EDAR: variants seen among roughly 807,000 people sequenced by gnomAD.
The protein encoded by EDAR is ectodysplasin A receptor, also known as tumor necrosis factor receptor superfamily member EDAR.
EDAR carries 38 observed loss-of-function variants against 51.3 expected under a neutral mutation model. The observed-to-expected ratio is 0.74, with a 90% CI of 0.57 to 0.97. EDAR has a LOEUF of 0.97. Ranked by LOEUF, EDAR falls within the 50% of genes least tolerant of loss-of-function variation. The pLI, the probability that EDAR is intolerant of heterozygous loss-of-function variation, is 0.00. For synonymous variants in EDAR, 227 were observed against 242.1 expected (o/e 0.94, Z 0.58); for missense variants, 528 against 595.0 (o/e 0.89, Z 1.17).
chr2:108,957,714 G>A (rs1697953209), intron 1 of EDAR, among the ~76,000 whole-genome samples: 1 of 152,222 alleles, frequency 6.6e-6, no homozygotes, highest in African/African-American at 2.4e-5. Flanking sequence ...ACCAGGCGAG[G>A]CTAGTGGAGG....
chr2:108,985,306 T>C (rs1034487317), intron 1 of EDAR, among the ~76,000 whole-genome samples: 2 of 152,206 alleles, frequency 1.3e-5, no homozygotes, highest in Admixed American at 1.3e-4. Flanking sequence ...GTGGTTGTTA[T>C]TGCCCTCATT....
At chr2:108,975,685 G>A (rs373117644) in intron 1 of EDAR, among the ~76,000 whole-genome samples, 23 of 152,292 alleles carry the variant, frequency 1.5e-4, no homozygotes, top group African/African-American at 5.1e-4. Flanking sequence ...AGCTTGCGAA[G>A]CCCCTGGCCA....
At chr2:108,934,879 C>T (rs563649221) in intron 1 of EDAR, among the ~76,000 whole-genome samples, 5 of 152,292 alleles carry the variant, frequency 3.3e-5, no homozygotes, top group South Asian at 4.1e-4. Flanking sequence ...ACCAAAGCAG[C>T]GTGGAAATGT....
chr2:108,939,775 G>C (rs1289440506), intron 1 of EDAR, among the ~76,000 whole-genome samples: 2 of 152,136 alleles, frequency 1.3e-5, no homozygotes, highest in Admixed American at 6.5e-5. Context: ...CTCAGCTCTT[G>C]TCCTCATTTC....
Position 108,896,667 on chromosome 2 carries a change from A to G in EDAR, c.*240T>C, listed in dbSNP as rs746557228. On this transcript the variant is annotated 3_prime_UTR_variant, in exon 12 of 12. Coordinates refer to ENST00000258443, the MANE Select transcript of EDAR (RefSeq NM_022336.4). Reference sequence around the variant, plus strand: ...GTGGGCTGGCTGTATGAGTGAGTAGATATTTACTCTGCCTGGTGAGGTACA... The same window carrying G: ...GTGGGCTGGCTGTATGAGTGAGTAGGTATTTACTCTGCCTGGTGAGGTACA... 3.3e-5 allele frequency: 18 copies of G among 546,448 alleles called. No homozygotes were observed. Among genetic ancestry groups the G allele is most frequent in the Non-Finnish European group, 5.2e-5 (16 of 305,434 alleles). 33.8% of individuals were successfully genotyped at this position (546,448 alleles called of 1,614,324 possible). A position where few individuals can be genotyped will look rare whatever the true frequency, so the allele number is the denominator to read the frequency against.
intron 1 of EDAR, among the ~76,000 whole-genome samples, chr2:108,978,520 A>C (rs918323775): frequency 1.3e-5 from 2 of 152,238 alleles, no homozygotes; most frequent in African/African-American, 2.4e-5. Flanking sequence ...CCACGGGCTT[A>C]GGGAACATGC....
intron 4 of EDAR, among the ~76,000 whole-genome samples, chr2:108,924,535 G>C (rs1697215736): frequency 6.6e-6 from 1 of 152,190 alleles, no homozygotes; most frequent in South Asian, 2.1e-4. Flanking sequence ...TATTTCCATG[G>C]CTGCTTTCTA....
At chr2:108,988,063 G>T (rs1040137396) in intron 1 of EDAR, among the ~76,000 whole-genome samples, 2 of 152,238 alleles carry the variant, frequency 1.3e-5, no homozygotes, top group African/African-American at 4.8e-5. Context: ...GAAGAGGACG[G>T]TGGTGCTCCT....
At chr2:108,956,320 G>C (rs1697925256) in intron 1 of EDAR, among the ~76,000 whole-genome samples, 1 of 152,222 alleles carries the variant, frequency 6.6e-6, no homozygotes, top group South Asian at 2.1e-4. Flanking sequence ...TAAAGGGCAT[G>C]AGAGTGTTAT....
intron 2 of EDAR, 81 bp from the exon 3 acceptor site, chr2:108,930,323 A>G (rs1268319412): frequency 1.2e-5 from 19 of 1,589,192 alleles, no homozygotes; most frequent in Non-Finnish European, 1.6e-5. Context: ...AGGTTGACAT[A>G]GGAAGGGGGT....
chr2:108,964,581 CT>C (rs1698115022), intron 1 of EDAR, among the ~76,000 whole-genome samples: 1 of 152,188 alleles, frequency 6.6e-6, no homozygotes, highest in Admixed American at 6.5e-5. Context: ...TGAGGATAAT[CT>C]TTTAACAACA....
intron 1 of EDAR, among the ~76,000 whole-genome samples, chr2:108,944,166 T>C (rs1558824199): frequency 6.6e-6 from 1 of 152,152 alleles, no homozygotes; most frequent in Non-Finnish European, 1.5e-5. Flanking sequence ...CAGGCTGGAG[T>C]GCAGTGGCAC....
chr2:108,969,674 G>A (rs1698204913), intron 1 of EDAR, among the ~76,000 whole-genome samples: 1 of 152,184 alleles, frequency 6.6e-6, no homozygotes, highest in Admixed American at 6.5e-5. Context: ...TTTATTAAGT[G>A]CTTACTAAAG....
intron 1 of EDAR, among the ~76,000 whole-genome samples, chr2:108,932,779 A>G (rs1697396054): frequency 6.6e-6 from 1 of 152,156 alleles, no homozygotes; most frequent in African/African-American, 2.4e-5. Flanking sequence ...TGTGTTTTTA[A>G]CACATAAACC....
chr2:108,908,018 C>A lies in EDAR; in HGVS notation c.805G>T (p.Glu269Ter). 1.9e-6 allele frequency: 3 copies of A among 1,606,916 alleles called. No individual in the cohort carries two copies. Among genetic ancestry groups the A allele is most frequent in the Non-Finnish European group, 2.6e-6 (3 of 1,174,766 alleles). Residue 269 changes from glutamate to a stop codon, truncating the protein, a stop_gained and splice_region_variant, in exon 10 of 12, where the codon GAG (glutamate) becomes TAG (stop). Transcript: ENST00000258443. LOFTEE classifies it high-confidence loss of function. ...TATPAKPTKS[E>*]NDASSENEQL... ...TCATTCTCGGATGAGGCATCGTTCT[C>A]GCTGCAAAAACAAGAGCGATGGTCA...
At chr2:108,957,861 T>G (rs1384042208) in intron 1 of EDAR, among the ~76,000 whole-genome samples, 1 of 152,244 alleles carries the variant, frequency 6.6e-6, no homozygotes, top group Non-Finnish European at 1.5e-5. Context: ...ATTATGTTTT[T>G]GTAACGTTTT....
chr2:108,910,339 C>G, intron 9 of EDAR, 121 bp downstream of exon 9: 2 of 800,390 alleles, frequency 2.5e-6, no homozygotes, highest in East Asian at 5.1e-5. Flanking sequence ...TGTCTGTCGC[C>G]GAACGTCCCC....
intron 1 of EDAR, among the ~76,000 whole-genome samples, chr2:108,958,328 C>T (rs1029100412): frequency 2.0e-5 from 3 of 151,962 alleles, no homozygotes; most frequent in Non-Finnish European, 4.4e-5. Context: ...CAGCTCGTAA[C>T]GACCACATAA....
At chr2:108,946,606 G>C (rs1697718832) in intron 1 of EDAR, among the ~76,000 whole-genome samples, 1 of 152,198 alleles carries the variant, frequency 6.6e-6, no homozygotes, top group Non-Finnish European at 1.5e-5. Flanking sequence ...TGGCTGGCAG[G>C]CCTCAGGAAA....
Sources: allele counts gnomAD v4.1 joint callset (sites outside exome capture counted in the v4.1 genomes callset), GRCh38; gene constraint gnomAD v4.1.1; transcripts MANE v1.5; gene names NCBI Gene and HGNC (gene_info 2026-07-23, HGNC 2026-07-21).